Variants in RGS13 observed in about 807,000 individuals in gnomAD.
RGS13 encodes regulator of G protein signaling 13, also known as regulator of G-protein signalling 13.
RGS13 carries 14 observed loss-of-function variants against 19.9 expected under a neutral mutation model. The ratio of observed to expected loss-of-function variants is 0.70; its 90% confidence interval spans 0.46 to 1.10. The LOEUF (loss-of-function observed/expected upper bound fraction) is 1.10. Ranked by LOEUF, RGS13 falls within the 50% of genes least tolerant of loss-of-function variation. The probability of loss-of-function intolerance (pLI) is 0.00; values close to 1 mark genes in which losing one functional copy is unlikely to be tolerated. For synonymous variants in RGS13, 60 were observed against 56.8 expected (o/e 1.06, Z -0.25); for missense variants, 205 against 187.1 (o/e 1.10, Z -0.56).
Position 192,638,178 on chromosome 1 carries a change from C to T in RGS13, c.-30C>T, listed in dbSNP as rs996430929. ...TATTTTATCAGATGATATTCTAACG[C>T]TGCCTTTTCTCTTCTCATTTTAGAG... On this transcript the variant is annotated 5_prime_UTR_variant, in exon 3 of 7. Coordinates refer to ENST00000391995, the MANE Select transcript of RGS13 (RefSeq NM_002927.5). 6.6e-6 allele frequency: 1 copy of T among 152,084 alleles called. No individual in the cohort carries two copies. Among genetic ancestry groups the T allele is most frequent in the Non-Finnish European group, 1.5e-5 (1 of 68,016 alleles). The allele number at this position is 152,084 out of a possible 1,614,324, so 9.4% of individuals were successfully genotyped here.
chr1:192,636,948 T>C (rs1663027648), intron 1 of RGS13, among the ~76,000 whole-genome samples: 1 of 151,238 alleles, frequency 6.6e-6, no homozygotes. Flanking sequence ...TGCTATATCA[T>C]AAAATAAAGA....
At chr1:192,646,998 G>A (rs757074844) in intron 4 of RGS13, 2 of 151,960 alleles carry the variant, frequency 1.3e-5, no homozygotes, top group African/African-American at 2.4e-5. Context: ...ATACCGTTTA[G>A]GTAAAATGTA....
chr1:192,655,286 C>T (rs1663415022), intron 5 of RGS13, among the ~76,000 whole-genome samples: 1 of 152,124 alleles, frequency 6.6e-6, no homozygotes, highest in Admixed American at 6.6e-5. Context: ...AGAATTATAT[C>T]TGAAATATAT....
chr1:192,638,763 CAT>C (rs149978997), intron 3 of RGS13, among the ~76,000 whole-genome samples: 2,776 of 152,198 alleles, frequency 0.018, 73 homozygotes, highest in African/African-American at 0.064. Flanking sequence ...ATGCATAACA[CAT>C]GTCATACACA....
chr1:192,645,360 C>G (rs1018086579), intron 4 of RGS13: 1 of 152,108 alleles, frequency 6.6e-6, no homozygotes, highest in African/African-American at 2.4e-5. Flanking sequence ...GGAAAGCTGC[C>G]AGATAACAGT....
intron 6 of RGS13, 63 bp downstream of exon 6, chr1:192,658,430 T>C (rs1190608601): frequency 3.6e-5 from 54 of 1,491,104 alleles, no homozygotes; most frequent in Non-Finnish European, 4.7e-5. Context: ...TTAATATCTG[T>C]CAAGCATCCA....
At chr1:192,641,187 GAAA>G (rs369512143) in intron 3 of RGS13, among the ~76,000 whole-genome samples, 1 of 122,832 alleles carries the variant, frequency 8.1e-6, no homozygotes, top group African/African-American at 3.2e-5. Context: ...AGAAAAGAAA[GAAA>G]AAAAAGAAAA....
At chr1:192,656,993 T>C (rs1005671601) in intron 5 of RGS13, among the ~76,000 whole-genome samples, 1 of 152,082 alleles carries the variant, frequency 6.6e-6, no homozygotes, top group Non-Finnish European at 1.5e-5. Context: ...TTATTTCTCA[T>C]AATAGTAAAT....
intron 2 of RGS13, among the ~76,000 whole-genome samples, 155 bp downstream of exon 2, chr1:192,637,815 T>C (rs140444578): frequency 7.4e-4 from 113 of 152,184 alleles, no homozygotes; most frequent in African/African-American, 2.5e-3. Context: ...TGAACTCTAA[T>C]TTTAAGGGTA....
At chr1:192,654,704 G>A (rs1015112896) in intron 5 of RGS13, among the ~76,000 whole-genome samples, 2 of 152,108 alleles carry the variant, frequency 1.3e-5, no homozygotes, top group African/African-American at 4.8e-5. Flanking sequence ...TGGAATAGAT[G>A]GGCCACTGTT....
intron 4 of RGS13, chr1:192,645,579 G>A (rs985476004): frequency 8.5e-5 from 13 of 152,096 alleles, no homozygotes; most frequent in African/African-American, 2.2e-4. Flanking sequence ...GCAACATCAT[G>A]GTATCTTAAA....
rs1024112391 is a variant in RGS13, at chr1:192,637,237, G to A, written c.-115-353G>A. ...ACTTGTTCTAAACACTCTATGTTTC[G>A]ATTGTAAAAGTACACACTAGTTTTA... On this transcript the variant is annotated intron_variant, in intron 1 of 6. Transcript: ENST00000391995. Among the ~76,000 whole-genome samples the A allele has an allele frequency of 2.6e-5, 4 of 151,756 alleles. No individual in the cohort carries two copies. The East Asian group carries it at 7.8e-4, about 30-fold the overall frequency.
intron 3 of RGS13, among the ~76,000 whole-genome samples, chr1:192,642,322 C>CTTT (rs200314337): frequency 3.7e-5 from 5 of 136,592 alleles, no homozygotes; most frequent in Non-Finnish European, 7.8e-5. Context: ...AACATAATTC[C>CTTT]TTTTTTTTTT....
chr1:192,647,109 T>C (rs1663237136), intron 4 of RGS13: 1 of 152,194 alleles, frequency 6.6e-6, no homozygotes, highest in Non-Finnish European at 1.5e-5. Context: ...CTAACTGTAT[T>C]ACATGAGTGC....
In RGS13 at chr1:192,657,351, G is replaced by T. The variant is rs1012533209; in HGVS notation, c.128-850G>T. Among the ~76,000 whole-genome samples, 7 of 152,174 alleles carry T rather than the reference G, an allele frequency of 4.6e-5. No individual in the cohort carries two copies. The East Asian group carries it at 1.4e-3, about 29-fold the overall frequency. ...CTTGAGAATACTTGGTCCTCCCAAA[G>T]ATTCCAATTAATATGTTAGATTTGT... On this transcript the variant is annotated intron_variant, in intron 5 of 6. Transcript: ENST00000391995.
intron 5 of RGS13, among the ~76,000 whole-genome samples, chr1:192,656,412 T>C (rs1301703663): frequency 6.6e-6 from 1 of 152,028 alleles, no homozygotes; most frequent in African/African-American, 2.4e-5. Flanking sequence ...GCTGTCTCTT[T>C]AGGAACTGGA....
At chr1:192,642,819 C>A (rs1172967533) in intron 3 of RGS13, among the ~76,000 whole-genome samples, 1 of 152,002 alleles carries the variant, frequency 6.6e-6, no homozygotes, top group Admixed American at 6.6e-5. Flanking sequence ...AACCCCTGTA[C>A]TTCCTGTATC....
chr1:192,642,498 T>G (rs1392676295), intron 3 of RGS13, among the ~76,000 whole-genome samples: 1 of 151,810 alleles, frequency 6.6e-6, no homozygotes, highest in East Asian at 1.9e-4. Context: ...ATTTTTTTTT[T>G]CTTTTTGTTG....
chr1:192,639,062 C>A (rs555830004), intron 3 of RGS13, among the ~76,000 whole-genome samples: 8 of 152,176 alleles, frequency 5.3e-5, no homozygotes, highest in African/African-American at 1.9e-4. Context: ...GACCAAAGAA[C>A]CCTCACTGAA....
Sources: allele counts gnomAD v4.1 joint callset (sites outside exome capture counted in the v4.1 genomes callset), GRCh38; gene constraint gnomAD v4.1.1; transcripts MANE v1.5; gene names NCBI Gene and HGNC (gene_info 2026-07-23, HGNC 2026-07-21).